The following PIEZO2 variants were observed in gnomAD, a reference collection of about 807,000 sequenced individuals.
PIEZO2 encodes piezo-type mechanosensitive ion channel component 2.
A neutral mutation model predicts 337.3 loss-of-function variants in PIEZO2; 172 were observed. The observed-to-expected ratio is 0.51, with a 90% CI of 0.45 to 0.58. PIEZO2 has a LOEUF of 0.58. PIEZO2 is among the 20% of genes least tolerant of loss of function. The pLI, the probability that PIEZO2 is intolerant of heterozygous loss-of-function variation, is 0.00. For synonymous variants in PIEZO2, 1,251 were observed against 1,228.5 expected, an observed-to-expected ratio of 1.02 and a Z score of -0.38; for missense variants, 3,028 against 3,391.3, an observed-to-expected ratio of 0.89 and a Z score of 2.66.
chr18:11,086,541 AGTCTC>A (rs2038922358), intron 1 of PIEZO2, among the ~76,000 whole-genome samples: 1 of 152,200 alleles, frequency 6.6e-6, no homozygotes, highest in East Asian at 1.9e-4. Context: ...AGGTTCTTTA[AGTCTC>A]AAAACAGGCT....
At position 10,789,275 on chromosome 18, in the gene PIEZO2, A is replaced by G. The variant is rs756753673; in HGVS notation, c.1973T>C (p.Val658Ala). Residue 658 changes from valine to alanine, a missense_variant, in exon 15 of 56, where the codon GTA becomes GCA. Physicochemically the swap from Val to Ala is moderately conservative, Grantham distance 64. This residue lies in a region of PIEZO2 where 1,925 missense variants were observed against 2,051.9 expected (regional missense o/e 0.94). Coordinates refer to ENST00000674853, the MANE Select transcript of PIEZO2 (RefSeq NM_001378183.1). ...AKEEKQERKK[V>A]EQEEAEEEDE... ...TTCTTCTTCAGCTTCCTCTTGCTCT[A>G]CCTTCTTTCTCTCTTGCTTCTCTTC... is the stretch of plus-strand genomic sequence containing the variant. 6 of 1,537,028 alleles carry G rather than the reference A, an allele frequency of 3.9e-6. No individual in the cohort carries two copies. In the South Asian group the frequency reaches 7.1e-5, roughly 18 times the overall value.
intron 2 of PIEZO2, among the ~76,000 whole-genome samples, chr18:10,998,613 T>C (rs1431873409): frequency 1.3e-5 from 2 of 152,042 alleles, no homozygotes; most frequent in African/African-American, 4.8e-5. Flanking sequence ...AACTCCAAAA[T>C]TATTTCCAAA....
chr18:10,928,412 C>G (rs11874409), intron 3 of PIEZO2, among the ~76,000 whole-genome samples: 2 of 152,186 alleles, frequency 1.3e-5, no homozygotes, highest in African/African-American at 4.8e-5. Flanking sequence ...CTGACAGGCA[C>G]GCTTGATTTG....
intron 1 of PIEZO2, among the ~76,000 whole-genome samples, chr18:11,085,684 C>T (rs1401097318): frequency 6.6e-6 from 1 of 152,150 alleles, no homozygotes; most frequent in Non-Finnish European, 1.5e-5. Flanking sequence ...GAGTCCCCTT[C>T]TCCCTTATCT....
chr18:10,749,034 T>C (rs541065940), intron 29 of PIEZO2, among the ~76,000 whole-genome samples: 1 of 152,188 alleles, frequency 6.6e-6, no homozygotes, highest in African/African-American at 2.4e-5. Context: ...ACCAGCAGAA[T>C]AATGAGCACA....
chr18:10,716,161 A>G lies in PIEZO2; in HGVS notation c.5090-345T>C, dbSNP rs2143890852. ...TTGTTTTCAGTAAAAGTTACTCCAAATGTGCCTGCCTCTTCTGTTTCCCCT... is the reference window on the plus strand; with the variant it reads ...TTGTTTTCAGTAAAAGTTACTCCAAGTGTGCCTGCCTCTTCTGTTTCCCCT... On this transcript the variant is annotated intron_variant, in intron 37 of 55. Transcript: ENST00000674853. The surrounding 1 kb of genome is among the most constrained non-coding windows in gnomAD (Gnocchi z 4.1). Among the ~76,000 whole-genome samples the G allele has an allele frequency of 6.6e-6, 1 of 152,128 alleles. No homozygotes were observed. The highest frequency in any genetic ancestry group is 1.9e-4 in the East Asian group (1 of 5,176).
chr18:10,757,839 C>G (rs2037945809), intron 27 of PIEZO2, 130 bp downstream of exon 27: 1 of 1,026,048 alleles, frequency 9.7e-7, no homozygotes, highest in Non-Finnish European at 1.4e-6. Flanking sequence ...CATTGTCCAG[C>G]ATTTATTAAC....
intron 2 of PIEZO2, among the ~76,000 whole-genome samples, chr18:11,057,002 G>C (rs1218054860): frequency 6.6e-6 from 1 of 152,202 alleles, no homozygotes; most frequent in Admixed American, 6.5e-5. Flanking sequence ...ACTGAAGGGA[G>C]AGGACATTGG....
intron 52 of PIEZO2, among the ~76,000 whole-genome samples, chr18:10,679,346 T>A (rs1333234831): frequency 1.3e-5 from 2 of 152,200 alleles, no homozygotes; most frequent in Non-Finnish European, 2.9e-5. Flanking sequence ...CTCTACCCTC[T>A]CTTTCTTGCT....
At position 10,979,582 on chromosome 18, in the gene PIEZO2, G is replaced by A. The variant is rs370661809; in HGVS notation, c.239C>T (p.Thr80Met). The A allele has an allele frequency of 6.7e-5, 103 of 1,535,906 alleles. No homozygotes were observed. The highest frequency in any genetic ancestry group is 8.8e-5 in the Non-Finnish European group (101 of 1,145,998). Residue 80 changes from threonine (T) to methionine (M), a missense_variant, in exon 3 of 56, where the codon ACG becomes ATG. Thr to Met is a moderately conservative substitution (Grantham distance 81, BLOSUM62 -1). This residue lies in a region of PIEZO2 where 542 missense variants were observed against 605.6 expected (regional missense o/e 0.89). Transcript: ENST00000674853. The surrounding 1 kb of genome is among the most constrained non-coding windows in gnomAD (Gnocchi z 4.0). Reference protein sequence around the residue: ...FLLLHIIFHITLVSLEAQHRI... With the variant: ...FLLLHIIFHIMLVSLEAQHRI... Reference sequence around the variant, plus strand: ...ATGTTGAGCTTCAAGGCTCACCAACGTGATGTGGAAAATGATGTGCAGCAA... The same window carrying A: ...ATGTTGAGCTTCAAGGCTCACCAACATGATGTGGAAAATGATGTGCAGCAA...
intron 8 of PIEZO2, among the ~76,000 whole-genome samples, chr18:10,804,290 CAG>C (rs1364913180): frequency 4.6e-5 from 7 of 152,222 alleles, no homozygotes; most frequent in African/African-American, 1.7e-4. Flanking sequence ...CACTCAAAAG[CAG>C]AGATGCACAT....
At chr18:10,733,189 AAAG>A (rs2036855590) in intron 35 of PIEZO2, among the ~76,000 whole-genome samples, 1 of 152,166 alleles carries the variant, frequency 6.6e-6, no homozygotes, top group Non-Finnish European at 1.5e-5. Flanking sequence ...AAGGACCCCT[AAAG>A]AAGAAGCATG....
chr18:10,908,148 T>C (rs988914392), intron 4 of PIEZO2, among the ~76,000 whole-genome samples: 1 of 152,210 alleles, frequency 6.6e-6, no homozygotes, highest in East Asian at 1.9e-4. Context: ...GAGAGACAAC[T>C]GAACAACATC....
At position 10,762,587 on chromosome 18, in the gene PIEZO2, C is replaced by T. The variant is rs1403759133; in HGVS notation, c.3162G>A (p.Leu1054=). ...GAGCGCTGTAGAGCAGAGACTTGTT[C>T]AACTCATTAAAGGGGATGTTTGTTT... The part of the protein sequence containing the change: ...ENQTNIPFNE[L]NKSLLYSAPI... The change falls in exon 23 of 56, where the codon TTG becomes TTA. Residue 1054 remains leucine (L), a synonymous_variant. Coordinates refer to ENST00000674853, the MANE Select transcript of PIEZO2 (RefSeq NM_001378183.1). 6.5e-7 allele frequency: 1 copy of T among 1,537,408 alleles called. No homozygotes were observed. Among genetic ancestry groups the T allele is most frequent in the Admixed American group, 2.0e-5 (1 of 50,988 alleles).
intron 21 of PIEZO2, among the ~76,000 whole-genome samples, chr18:10,764,391 TA>T (rs1215573671): frequency 6.6e-6 from 1 of 151,966 alleles, no homozygotes. Flanking sequence ...CCTGTAATCC[TA>T]GCACTTTGGG....
At chr18:10,918,803 A>G (rs1320126072) in intron 3 of PIEZO2, among the ~76,000 whole-genome samples, 16 of 152,000 alleles carry the variant, frequency 1.1e-4, no homozygotes, top group Non-Finnish European at 2.9e-5. Context: ...TAATCACTTT[A>G]CTGCTTATAT....
chr18:10,999,523 T>C (rs958901488), intron 2 of PIEZO2, among the ~76,000 whole-genome samples: 19 of 152,340 alleles, frequency 1.2e-4, no homozygotes, highest in African/African-American at 3.4e-4. Flanking sequence ...TGTATTTATA[T>C]AGTTTTTTGT....
chr18:10,894,859 T>C lies in PIEZO2; in HGVS notation c.329+16327A>G, dbSNP rs2042852066. On this transcript the variant is annotated intron_variant, in intron 4 of 55. Coordinates refer to ENST00000674853, the MANE Select transcript of PIEZO2 (RefSeq NM_001378183.1). This position sits in a 1 kb window ranked among gnomAD's most constrained non-coding sequence, Gnocchi z 4.1. ...CCTTGTGCCCCTCAGTCAGATTCTT[T>C]CATCTGAGGAGGGAAGAATTGAAGT... The C allele has an allele frequency of 6.6e-6, 1 of 152,254 alleles. No individual in the cohort carries two copies. Among genetic ancestry groups the C allele is most frequent in the South Asian group, 2.1e-4 (1 of 4,832 alleles). The allele number at this position is 152,254 out of a possible 1,614,324, so 9.4% of individuals were successfully genotyped here.
rs2036492416 is a variant in PIEZO2, at chr18:10,725,388, C to T, written c.5029+6019G>A. 26 of 1,605,970 alleles carry T rather than the reference C, an allele frequency of 1.6e-5. 1 individual carries two copies. In the South Asian group the frequency reaches 2.5e-4, roughly 16 times the overall value. ...GGCGGTGATGATGGTGGAGAACAGC[C>T]GGCCCACATTGGCGGTCAACCTGAC... On this transcript the variant is annotated intron_variant, in intron 36 of 55. Coordinates refer to ENST00000674853, the MANE Select transcript of PIEZO2 (RefSeq NM_001378183.1).
Sources: allele counts gnomAD v4.1 joint callset (sites outside exome capture counted in the v4.1 genomes callset), GRCh38; gene constraint gnomAD v4.1.1; regional missense constraint gnomAD v4.1.1; non-coding constraint Gnocchi (gnomAD v3.1); transcripts MANE v1.5; gene names NCBI Gene and HGNC (gene_info 2026-07-23, HGNC 2026-07-21).